The following OTOF variants were observed in gnomAD, a reference collection of about 807,000 sequenced individuals.
OTOF encodes the protein otoferlin.
Under a neutral mutation model 236.8 loss-of-function variants are expected in OTOF, and 218 were observed. The observed-to-expected ratio is 0.92, with a 90% CI of 0.82 to 1.03. The LOEUF is 1.03. OTOF is among the 50% of genes least tolerant of loss of function. The pLI is 0.00. For missense variants in OTOF, 2,590 were observed against 2,694.4 expected, an observed-to-expected ratio of 0.96 and a Z score of 0.86; for synonymous variants, 1,041 against 1,072.5, an observed-to-expected ratio of 0.97 and a Z score of 0.57.
chr2:26,557,994 C>G (rs922751758), intron 1 of OTOF, among the ~76,000 whole-genome samples: 1 of 151,876 alleles, frequency 6.6e-6, no homozygotes, highest in South Asian at 2.1e-4. Flanking sequence ...GGGTTCCCGC[C>G]CATGAATAGA....
intron 11 of OTOF, among the ~76,000 whole-genome samples, chr2:26,486,957 C>T (rs570900908): frequency 6.6e-6 from 1 of 152,328 alleles, no homozygotes; most frequent in African/African-American, 2.4e-5. Flanking sequence ...GCATCCCAGA[C>T]CTCCTTTATG....
rs970943186 is a variant in OTOF at position 26,472,519 on chromosome 2, C to T, written c.3864G>A (p.Ala1288=). Residue 1288 remains alanine (A), a splice_region_variant and synonymous_variant, in exon 30 of 47, where the codon GCG becomes GCA. Transcript: ENST00000272371. ...AGGGGGCTGACCCCACCCGCCTTAC[C>T]GCGTCCAGCTTCACCATGGTCTCCA... ...KKLETMVKLD[A]TSEAVVKVDV... is the part of the protein sequence containing the mutation. 9 of 1,613,394 alleles carry T rather than the reference C, an allele frequency of 5.6e-6. No individual in the cohort carries two copies. The highest frequency in any genetic ancestry group is 2.2e-5 in the East Asian group (1 of 44,900).
chr2:26,460,550 G>T lies in OTOF; in HGVS notation c.5813+97C>A. 1.0e-6 allele frequency: 1 copy of T among 971,754 alleles called. No individual in the cohort carries two copies. Among genetic ancestry groups the T allele is most frequent in the Non-Finnish European group, 1.6e-6 (1 of 615,262 alleles). 60.2% of individuals were successfully genotyped at this position (971,754 alleles called of 1,614,324 possible). ...GAGGCTCCCCTGTAATGAGGCTGTGGCCCAGGAAGAGATGGGGTGTCTGGG... is the reference window on the plus strand; with the variant it reads ...GAGGCTCCCCTGTAATGAGGCTGTGTCCCAGGAAGAGATGGGGTGTCTGGG... On this transcript the variant is annotated intron_variant, in intron 45 of 46. Coordinates refer to ENST00000272371, the MANE Select transcript of OTOF (RefSeq NM_194248.3). The surrounding 1 kb of genome is among the most constrained non-coding windows in gnomAD (Gnocchi z 5.3).
At chr2:26,489,817 C>T in intron 9 of OTOF, 77 bp from the exon 10 acceptor site, 4 of 1,088,756 alleles carry the variant, frequency 3.7e-6, no homozygotes, top group South Asian at 1.3e-5. Context: ...CCCCTCCCTC[C>T]TCGCAGGGCC....
At chr2:26,497,820 GACTA>G (rs962655502) in intron 8 of OTOF, among the ~76,000 whole-genome samples, 8 of 152,298 alleles carry the variant, frequency 5.3e-5, no homozygotes, top group East Asian at 1.9e-4. Flanking sequence ...AAGGAAATAG[GACTA>G]ACTAACTTAG....
Position 26,464,947 on chromosome 2 carries a change from G to T in OTOF, c.4882C>A (p.Pro1628Thr), listed in dbSNP as rs760176622. 1.3e-6 allele frequency: 2 copies of T among 1,575,932 alleles called. No individual in the cohort carries two copies. The highest frequency in any genetic ancestry group is 4.6e-5 in the East Asian group (2 of 43,632). Residue 1628 changes from proline (P) to threonine (T), a missense_variant, in exon 39 of 47, where the codon CCC becomes ACC. Physicochemically the swap from Pro to Thr is conservative, Grantham distance 38 (BLOSUM62 -1). Around this residue, in one of 2 missense-constraint regions of OTOF, gnomAD observed 1,211 missense variants for 1,352.8 expected, o/e 0.90. Transcript: ENST00000272371. ...ACTCTCCCAGGGGGCCCAAAGTGGG[G>T]GCCGTCCACTTTGCCGTCTTTGCAG... is the stretch of plus-strand genomic sequence containing the variant. ...RLCKDGKVDG[P>T]HFGPPGRVKV...
rs182885887 is a variant in OTOF, at chr2:26,525,990, T to G, written c.227+1842A>C. Among the ~76,000 whole-genome samples the G allele has an allele frequency of 1.7e-3, 242 of 144,258 alleles. 5 individuals are homozygous for G. In the Admixed American group the frequency reaches 0.017, roughly 10 times the overall value. The allele number at this position is 144,258 out of a possible 152,430, so 94.6% of individuals were successfully genotyped here. On this transcript the variant is annotated intron_variant, in intron 3 of 46. Coordinates refer to ENST00000272371, the MANE Select transcript of OTOF (RefSeq NM_194248.3). ...TAATCCCAGCTACTCAGGAGGCTGA[T>G]ACAGGATAATTGCTTGAACCAGAGA... is the stretch of plus-strand genomic sequence containing the variant.
intron 32 of OTOF, among the ~76,000 whole-genome samples, chr2:26,469,634 A>G (rs1312929745): frequency 6.6e-6 from 1 of 152,224 alleles, no homozygotes; most frequent in East Asian, 1.9e-4. Context: ...AGTCACCTCC[A>G]ACCTTACAGA....
chr2:26,528,913 G>A (rs1666874189), intron 2 of OTOF, among the ~76,000 whole-genome samples: 1 of 152,244 alleles, frequency 6.6e-6, no homozygotes, highest in Admixed American at 6.5e-5. Context: ...ATCCCCAGTG[G>A]CATCTGCAGG....
chr2:26,468,982 C>A (rs1206783075), intron 32 of OTOF, among the ~76,000 whole-genome samples: 1 of 151,984 alleles, frequency 6.6e-6, no homozygotes, highest in Non-Finnish European at 1.5e-5. Flanking sequence ...AGCACACCAA[C>A]ATGGCACATG....
In OTOF at chr2:26,477,282, T is replaced by C. The variant is rs1191549488; in HGVS notation, c.2413A>G (p.Met805Val). The change falls in exon 21 of 47, where the codon ATG (methionine) becomes GTG (valine). Residue 805 changes from methionine to valine, a missense_variant. Transcript: ENST00000272371. The surrounding 1 kb of genome is among the most constrained non-coding windows in gnomAD (Gnocchi z 4.7). ...LKSCMRELEN[M>V]GQQARMLRAQ... ...CGCAGCATCCTGGCCTGCTGCCCCA[T>C]GTTTTCCTGCGAAGGAGGGGGTGTC... 1.2e-6 allele frequency: 2 copies of C among 1,609,444 alleles called. No homozygotes were observed. The highest frequency in any genetic ancestry group is 1.7e-6 in the Non-Finnish European group (2 of 1,178,956).
At chr2:26,464,790 C>A in intron 39 of OTOF, 79 bp downstream of exon 39, 1 of 1,414,778 alleles carries the variant, frequency 7.1e-7, no homozygotes, top group Non-Finnish European at 9.7e-7. Flanking sequence ...TGTGAGGTTC[C>A]CCAGGGAAGT....
At position 26,537,773 on chromosome 2, in the gene OTOF, C is replaced by T; in HGVS notation, c.81G>A (p.Gly27=). ...CCAGGACCCGAGAGTAGAAGGATTG[C>T]CCTGTGGGGAAAGAGGAAATAAATT... is the stretch of plus-strand genomic sequence containing the variant. ...GDRIAKVTFR[G]QSFYSRVLEN... is the part of the protein sequence containing the mutation. The change falls in exon 2 of 47, where the codon GGG becomes GGA. Residue 27 remains glycine (G), a splice_region_variant and synonymous_variant. Coordinates refer to ENST00000272371, the MANE Select transcript of OTOF (RefSeq NM_194248.3). The T allele has an allele frequency of 6.4e-7, 1 of 1,552,688 alleles. No individual in the cohort carries two copies. The highest frequency in any genetic ancestry group is 8.7e-7 in the Non-Finnish European group (1 of 1,147,040).
chr2:26,462,284 G>A lies in OTOF; in HGVS notation c.5193-103C>T. ...GCGGAGAGAAGCCCTGGGGTCTTGG[G>A]GTCAGCACAGGGCCTGGGCCAGGCT... On this transcript the variant is annotated intron_variant, in intron 41 of 46. Coordinates refer to ENST00000272371, the MANE Select transcript of OTOF (RefSeq NM_194248.3). This position sits in a 1 kb window ranked among gnomAD's most constrained non-coding sequence, Gnocchi z 4.7. The A allele has an allele frequency of 2.0e-6, 2 of 986,136 alleles. No individual in the cohort carries two copies. The highest frequency in any genetic ancestry group is 2.5e-5 in the South Asian group (2 of 78,590). The allele number at this position is 986,136 out of a possible 1,614,324, so 61.1% of individuals were successfully genotyped here. A position where few individuals can be genotyped will look rare whatever the true frequency, so the allele number is the denominator to read the frequency against.
chr2:26,481,539 T>C (rs10177760), intron 14 of OTOF, among the ~76,000 whole-genome samples: 4,545 of 152,340 alleles, frequency 0.03, 217 homozygotes, highest in African/African-American at 0.1. Flanking sequence ...GATCCAGTTT[T>C]TTTGGTTCAT....
chr2:26,531,040 C>A (rs144106668), intron 2 of OTOF, among the ~76,000 whole-genome samples: 1,686 of 152,276 alleles, frequency 0.011, 31 homozygotes, highest in African/African-American at 0.039. Flanking sequence ...TTTGTTAAAA[C>A]TTTTCAGTGG....
chr2:26,549,330 G>C lies in OTOF; in HGVS notation c.79+9163C>G, dbSNP rs189357274. On this transcript the variant is annotated intron_variant, in intron 1 of 46. Transcript: ENST00000272371. ...GTAATAACAATTTTTTTCCCCATGA[G>C]AAACACATCTTCAATTTTATAATGA... 3.6e-3 allele frequency among the ~76,000 whole-genome samples: 545 copies of C among 152,192 alleles called. 1 individual carries two copies. The highest frequency in any genetic ancestry group is 5.6e-3 in the Admixed American group (86 of 15,282).
At chr2:26,484,995 G>C (rs1047159375) in intron 11 of OTOF, among the ~76,000 whole-genome samples, 1 of 152,188 alleles carries the variant, frequency 6.6e-6, no homozygotes, top group Non-Finnish European at 1.5e-5. Flanking sequence ...GGCCTTCCCA[G>C]GTGGAGGCTC....
intron 1 of OTOF, among the ~76,000 whole-genome samples, chr2:26,548,365 T>G (rs28884226): frequency 3.3e-5 from 5 of 152,266 alleles, no homozygotes; most frequent in African/African-American, 1.2e-4. Flanking sequence ...CCTTCTAAAG[T>G]GCACAGTTCA....
Sources: allele counts gnomAD v4.1 joint callset (sites outside exome capture counted in the v4.1 genomes callset), GRCh38; gene constraint gnomAD v4.1.1; regional missense constraint gnomAD v4.1.1; non-coding constraint Gnocchi (gnomAD v3.1); transcripts MANE v1.5; gene names NCBI Gene and HGNC (gene_info 2026-07-23, HGNC 2026-07-21).